Variants in GNG2 observed in about 807,000 individuals in gnomAD.
GNG2 encodes G protein subunit gamma 2, also known as guanine nucleotide-binding protein G(I)/G(S)/G(O) subunit gamma-2.
Under a neutral mutation model 5.5 loss-of-function variants are expected in GNG2, and 5 were observed. The ratio of observed to expected loss-of-function variants is 0.91; its 90% CI spans 0.48 to 1.92. The LOEUF (loss-of-function observed/expected upper bound fraction) is 1.92. GNG2 is among the 30% of genes most tolerant of loss of function. The pLI is 0.01. For missense variants in GNG2, 55 were observed against 88.4 expected (o/e 0.62, Z 1.52); for synonymous variants, 28 against 32.0 (o/e 0.88, Z 0.42).
chr14:51,847,875 C>CTTT (rs1555348001), intron 2 of GNG2, among the ~76,000 whole-genome samples: 1 of 66,146 alleles, frequency 1.5e-5, no homozygotes, highest in African/African-American at 4.4e-5. Flanking sequence ...AATACAGGTC[C>CTTT]TTTTTCTTTT....
chr14:51,907,493 T>C (rs574211253), intron 2 of GNG2, among the ~76,000 whole-genome samples: 1 of 152,348 alleles, frequency 6.6e-6, no homozygotes, highest in East Asian at 1.9e-4. Context: ...ACTAAACCTG[T>C]ATTGAAAAGG....
rs756509496 is a variant in GNG2, at chr14:51,966,536, G to T, written c.88-23G>T. ...CTGACTGTACCAGACTCCAGTGTTG[G>T]TTGTTTTTGTCTCCCTTTCCAGGTG... On this transcript the variant is annotated intron_variant, in intron 3 of 3. Transcript: ENST00000556766. The T allele has an allele frequency of 8.7e-6, 14 of 1,611,476 alleles. No individual in the cohort carries two copies. The South Asian group carries it at 1.4e-4, about 16-fold the overall frequency.
At chr14:51,846,748 T>C (rs1881639143) in intron 2 of GNG2, among the ~76,000 whole-genome samples, 1 of 152,172 alleles carries the variant, frequency 6.6e-6, no homozygotes, top group South Asian at 2.1e-4. Context: ...ATTTCCCCTT[T>C]TTCCAGTCTT....
At chr14:51,831,611 G>T (rs1200904794) in intron 2 of GNG2, among the ~76,000 whole-genome samples, 2 of 152,288 alleles carry the variant, frequency 1.3e-5, no homozygotes, top group East Asian at 1.9e-4. Flanking sequence ...GAAGGGAAAA[G>T]CTCATTTCTT....
intron 1 of GNG2, among the ~76,000 whole-genome samples, chr14:51,867,050 A>G (rs1307866332): frequency 6.6e-6 from 1 of 152,104 alleles, no homozygotes; most frequent in African/African-American, 2.4e-5. Context: ...TTCCCTGTAA[A>G]CATGCTTAGT....
chr14:51,866,958 T>G (rs1013639303), intron 1 of GNG2, among the ~76,000 whole-genome samples: 1 of 152,242 alleles, frequency 6.6e-6, no homozygotes, highest in African/African-American at 2.4e-5. Flanking sequence ...CATTCCCTTT[T>G]ACTTTCTAAG....
chr14:51,881,701 C>CT (rs58544362), intron 2 of GNG2, among the ~76,000 whole-genome samples: 4,083 of 104,186 alleles, frequency 0.039, 242 homozygotes, highest in African/African-American at 0.12. Flanking sequence ...AGCTGGAAGA[C>CT]TTTTTTTTTT....
intron 2 of GNG2, among the ~76,000 whole-genome samples, chr14:51,922,826 G>A (rs183245413): frequency 1.8e-4 from 27 of 152,270 alleles, no homozygotes; most frequent in African/African-American, 6.0e-4. Context: ...GCAGCCGGGG[G>A]TGGAAAGTCT....
intron 1 of GNG2, among the ~76,000 whole-genome samples, chr14:51,875,023 A>T (rs1883563827): frequency 6.6e-6 from 1 of 152,224 alleles, no homozygotes; most frequent in South Asian, 2.1e-4. Context: ...TGAAAGAAAA[A>T]ATAAAAATGG....
At chr14:51,913,469 G>A (rs3742539) in intron 2 of GNG2, 31,967 of 152,294 alleles carry the variant, frequency 0.21, 4,604 homozygotes, top group African/African-American at 0.4. Flanking sequence ...AGTTAAGGTC[G>A]TATCACTGCA....
At chr14:51,869,344 T>C (rs1442677006) in intron 1 of GNG2, among the ~76,000 whole-genome samples, 1 of 152,222 alleles carries the variant, frequency 6.6e-6, no homozygotes, top group Non-Finnish European at 1.5e-5. Context: ...GTTACTTATG[T>C]GGTAGCTGGA....
At chr14:51,932,284 A>G (rs1253702) in intron 2 of GNG2, among the ~76,000 whole-genome samples, 66,630 of 126,280 alleles carry the variant, frequency 0.53, 19,344 homozygotes, top group African/African-American at 0.62. Flanking sequence ...AAAAGAAAAT[A>G]TGGTATATAT....
At chr14:51,922,225 T>C (rs545832752) in intron 2 of GNG2, among the ~76,000 whole-genome samples, 10 of 152,234 alleles carry the variant, frequency 6.6e-5, no homozygotes, top group Non-Finnish European at 1.2e-4. Context: ...GAGAAACTAC[T>C]TTTTCTGTGA....
intron 3 of GNG2, among the ~76,000 whole-genome samples, chr14:51,962,777 G>T (rs1267421164): frequency 6.6e-6 from 1 of 152,198 alleles, no homozygotes; most frequent in Non-Finnish European, 1.5e-5. Context: ...AAGAAGCTGT[G>T]TGCAAAATGT....
chr14:51,842,974 G>C (rs1002896371), intron 2 of GNG2, among the ~76,000 whole-genome samples: 3 of 152,136 alleles, frequency 2.0e-5, no homozygotes, highest in African/African-American at 7.2e-5. Flanking sequence ...CTATTTGCCA[G>C]AATTGAAGGA....
intron 2 of GNG2, among the ~76,000 whole-genome samples, chr14:51,885,808 C>T (rs1357933263): frequency 6.6e-6 from 1 of 151,602 alleles, no homozygotes; most frequent in Non-Finnish European, 1.5e-5. Flanking sequence ...TGAGGTGATT[C>T]TGGAGATAGG....
intron 1 of GNG2, among the ~76,000 whole-genome samples, chr14:51,871,990 A>G (rs1002937404): frequency 6.6e-6 from 1 of 152,222 alleles, no homozygotes. Flanking sequence ...AGTGAGGTGC[A>G]TCACTTCCTG....
At chr14:51,918,707 C>T (rs1381980117) in intron 2 of GNG2, 3 of 152,250 alleles carry the variant, frequency 2.0e-5, no homozygotes, top group South Asian at 4.1e-4. Flanking sequence ...AAATAAACTA[C>T]GAACTTGCAT....
chr14:51,965,452 T>G (rs928573496), intron 3 of GNG2, among the ~76,000 whole-genome samples: 3 of 152,130 alleles, frequency 2.0e-5, no homozygotes, highest in Admixed American at 6.5e-5. Flanking sequence ...TGAAACTAAA[T>G]CCACGCTCTA....
Sources: allele counts gnomAD v4.1 joint callset (sites outside exome capture counted in the v4.1 genomes callset), GRCh38; gene constraint gnomAD v4.1.1; transcripts MANE v1.5; gene names NCBI Gene and HGNC (gene_info 2026-07-23, HGNC 2026-07-21).